MAGEB16: variants seen among roughly 807,000 people sequenced by gnomAD.
MAGEB16 encodes the protein melanoma-associated antigen B16.
For missense variants in MAGEB16, 217 were observed against 234.0 expected (o/e 0.93, Z 0.47); for synonymous variants, 95 against 92.1 (o/e 1.03, Z -0.18).
intron 1 of MAGEB16, among the ~76,000 whole-genome samples, chrX:35,800,986 T>C (rs936242466): frequency 9.0e-6 from 1 of 111,072 alleles, no homozygotes; most frequent in Non-Finnish European, 1.9e-5. Flanking sequence ...CCAATAGGAA[T>C]CCACTCCAGG....
At chrX:35,803,257 A>T in exon 2 of MAGEB16, 1 of 981,221 alleles carries the variant, frequency 1.0e-6, no homozygotes, top group Non-Finnish European at 1.3e-6. Context: ...AGACAAGGAT[A>T]GATGTTTTAT....
exon 2 of MAGEB16, chrX:35,802,319 C>T (rs757604274): frequency 1.3e-5 from 16 of 1,208,332 alleles, no homozygotes; most frequent in Admixed American, 8.8e-5. Flanking sequence ...TCCTCTCCTC[C>T]TCCCATCCTC....
intron 1 of MAGEB16, among the ~76,000 whole-genome samples, chrX:35,799,445 G>T (rs1934843941): frequency 9.0e-6 from 1 of 111,526 alleles, no homozygotes; most frequent in African/African-American, 3.3e-5. Flanking sequence ...GATCCAAGGA[G>T]CTTTTCCCCT....
At chrX:35,800,128 G>A (rs1039270488) in intron 1 of MAGEB16, among the ~76,000 whole-genome samples, 1 of 111,464 alleles carries the variant, frequency 9.0e-6, no homozygotes, top group South Asian at 3.9e-4. Context: ...TAGTCACTGA[G>A]GGGTGAATCT....
chrX:35,802,630 A>G (rs749058729), exon 2 of MAGEB16: 10 of 1,209,882 alleles, frequency 8.3e-6, no homozygotes, highest in Non-Finnish European at 1.1e-5. Flanking sequence ...ATTATCATCA[A>G]AGATGATGAG....
At chrX:35,802,159 G>A in exon 2 of MAGEB16, 1 of 1,208,023 alleles carries the variant, frequency 8.3e-7, no homozygotes, top group Non-Finnish European at 1.1e-6. Context: ...CTGCCCTCCT[G>A]TCCACACTCC....
At chrX:35,798,782 T>G (rs1204021278) in intron 1 of MAGEB16, 1 of 110,748 alleles carries the variant, frequency 9.0e-6, no homozygotes, top group Admixed American at 9.5e-5. Flanking sequence ...CTGAAGGAGG[T>G]GAAGCTTTAG....
exon 2 of MAGEB16, chrX:35,802,976 G>T (rs1319621253): frequency 3.3e-6 from 4 of 1,211,859 alleles, no homozygotes; most frequent in Non-Finnish European, 4.5e-6. Context: ...AGAAGTACCT[G>T]GAGTACCAGC....
At chrX:35,799,421 T>A (rs1934843722) in intron 1 of MAGEB16, among the ~76,000 whole-genome samples, 1 of 111,627 alleles carries the variant, frequency 9.0e-6, no homozygotes, top group African/African-American at 3.3e-5. Flanking sequence ...ATTAGCCAAC[T>A]GATGACAGAG....
chrX:35,800,626 C>T (rs986960792), intron 1 of MAGEB16: 27 of 520,762 alleles, frequency 5.2e-5, no homozygotes, highest in African/African-American at 4.9e-4. Context: ...GAGGACAGAA[C>T]GTAGCCCTGC....
In MAGEB16 at chrX:35,803,307, G is replaced by A. The variant is rs184296179; in HGVS notation, c.*136G>A. The A allele has an allele frequency of 6.3e-6, 4 of 639,088 alleles. No homozygotes were observed. The African/African-American group carries it at 6.7e-5, about 11-fold the overall frequency. 52.7% of individuals were successfully genotyped at this position (639,088 alleles called of 1,213,427 possible). On this transcript the variant is annotated 3_prime_UTR_variant, in exon 2 of 2. Transcript: ENST00000399988. ...AGGCAGTTAGTGTTCAAGGATGCAG[G>A]TCCAGGGTGGGGCTGGAGGAAAAAT...
At chrX:35,803,144 A>G (rs761997117) in exon 2 of MAGEB16, 4 of 1,187,446 alleles carry the variant, frequency 3.4e-6, no homozygotes, top group Non-Finnish European at 4.5e-6. Context: ...TGAAAGAGGA[A>G]GAAGAGAGAG....
At chrX:35,800,632 C>T (rs1215369577) in intron 1 of MAGEB16, 10 of 518,227 alleles carry the variant, frequency 1.9e-5, no homozygotes, top group Non-Finnish European at 3.2e-5. Context: ...AGAACGTAGC[C>T]CTGCTTAGCC....
At chrX:35,802,162 C>T (rs1934867087) in exon 2 of MAGEB16, 2 of 1,208,606 alleles carry the variant, frequency 1.7e-6, no homozygotes, top group Admixed American at 4.4e-5. Flanking sequence ...CCCTCCTGTC[C>T]ACACTCCTGC....
At chrX:35,800,402 A>G in intron 1 of MAGEB16, 1 of 479,187 alleles carries the variant, frequency 2.1e-6, no homozygotes, top group South Asian at 2.9e-5. Context: ...ATATAGGGGT[A>G]GGTGCATAAG....
intron 1 of MAGEB16, among the ~76,000 whole-genome samples, chrX:35,799,167 C>T (rs899346641): frequency 4.6e-5 from 5 of 109,849 alleles, no homozygotes; most frequent in Non-Finnish European, 9.5e-5. Context: ...CAGGCATGAG[C>T]CACTGCGCCC....
At chrX:35,802,703 T>A (rs776317018) in exon 2 of MAGEB16, 8 of 1,209,488 alleles carry the variant, frequency 6.6e-6, no homozygotes, top group Non-Finnish European at 7.8e-6. Flanking sequence ...TTGGCCTTGA[T>A]GTGGTGGAGG....
chrX:35,802,650 T>C (rs1263846933), exon 2 of MAGEB16: 1 of 1,211,361 alleles, frequency 8.3e-7, no homozygotes, highest in South Asian at 1.8e-5. Flanking sequence ...GAGCCACTTC[T>C]CTGAGATCCT....
At chrX:35,799,888 C>T (rs1416330933) in intron 1 of MAGEB16, among the ~76,000 whole-genome samples, 2 of 111,905 alleles carry the variant, frequency 1.8e-5, no homozygotes, top group African/African-American at 6.5e-5. Flanking sequence ...AGTCAGACAA[C>T]TTCATGTCAT....
Sources: allele counts gnomAD v4.1 joint callset (sites outside exome capture counted in the v4.1 genomes callset), GRCh38; gene constraint gnomAD v4.1.1; transcripts MANE v1.5; gene names NCBI Gene and HGNC (gene_info 2026-07-23, HGNC 2026-07-21).